The following MB21D2 variants were observed in gnomAD, a reference collection of about 807,000 sequenced individuals.
MB21D2 encodes nucleotidyltransferase MB21D2.
MB21D2 carries 9 observed loss-of-function variants against 33.3 expected under a neutral mutation model. That is an observed-to-expected ratio of 0.27 (90% CI 0.16 to 0.47). The LOEUF (loss-of-function observed/expected upper bound fraction) is 0.47, where lower values mean the gene tolerates loss of function less well. Ranked by LOEUF, MB21D2 falls within the 20% of genes least tolerant of loss-of-function variation. The pLI is 0.99. For synonymous variants in MB21D2, 241 were observed against 236.3 expected, an observed-to-expected ratio of 1.02 and a Z score of -0.18; for missense variants, 540 against 624.6, an observed-to-expected ratio of 0.86 and a Z score of 1.44.
At chr3:192,891,773 A>G (rs935930882) in intron 1 of MB21D2, among the ~76,000 whole-genome samples, 2 of 152,124 alleles carry the variant, frequency 1.3e-5, no homozygotes, top group Non-Finnish European at 2.9e-5. Context: ...ATGTGTCGGC[A>G]CAGACCAAGC....
At chr3:192,894,460 G>A (rs1278579944) in intron 1 of MB21D2, among the ~76,000 whole-genome samples, 1 of 152,106 alleles carries the variant, frequency 6.6e-6, no homozygotes, top group East Asian at 1.9e-4. Context: ...GGTTTCCGCA[G>A]CTTTTTGCCC....
chr3:192,837,474 G>A (rs976941458), intron 1 of MB21D2, among the ~76,000 whole-genome samples: 21 of 152,160 alleles, frequency 1.4e-4, no homozygotes, highest in Admixed American at 1.2e-3. Context: ...AGAACGAGCT[G>A]CGGATCTGCA....
At chr3:192,819,956 T>A (rs1712008039) in intron 1 of MB21D2, among the ~76,000 whole-genome samples, 1 of 152,156 alleles carries the variant, frequency 6.6e-6, no homozygotes, top group African/African-American at 2.4e-5. Context: ...CAGGGCCTAG[T>A]CCTGGTGCTC....
At chr3:192,846,070 T>C (rs1712674494) in intron 1 of MB21D2, among the ~76,000 whole-genome samples, 1 of 152,132 alleles carries the variant, frequency 6.6e-6, no homozygotes, top group South Asian at 2.1e-4. Flanking sequence ...AGACCCTGTC[T>C]CAAAACTATA....
intron 1 of MB21D2, among the ~76,000 whole-genome samples, chr3:192,841,962 C>T (rs1305928006): frequency 2.0e-5 from 3 of 152,092 alleles, no homozygotes; most frequent in Non-Finnish European, 4.4e-5. Context: ...AGAAAAGCTC[C>T]GTGGGCAGTG....
intron 1 of MB21D2, among the ~76,000 whole-genome samples, chr3:192,895,443 A>C (rs1713946003): frequency 6.6e-6 from 1 of 152,182 alleles, no homozygotes; most frequent in South Asian, 2.1e-4. Flanking sequence ...CAATCACTTT[A>C]ATCCAGCCAG....
At chr3:192,892,622 T>A (rs1202060422) in intron 1 of MB21D2, among the ~76,000 whole-genome samples, 2 of 152,084 alleles carry the variant, frequency 1.3e-5, no homozygotes, top group Non-Finnish European at 2.9e-5. Flanking sequence ...TGTATTTTTT[T>A]AGTAGAGACG....
intron 1 of MB21D2, among the ~76,000 whole-genome samples, chr3:192,914,638 A>T (rs183489784): frequency 1.3e-5 from 2 of 151,978 alleles, no homozygotes; most frequent in Admixed American, 6.5e-5. Context: ...AATAACACCA[A>T]TCATTCTCCT....
intron 1 of MB21D2, among the ~76,000 whole-genome samples, chr3:192,812,939 T>C (rs2108612877): frequency 6.6e-6 from 1 of 152,302 alleles, no homozygotes; most frequent in African/African-American, 2.4e-5. Context: ...TGCCAGGAGA[T>C]GGCATCCACA....
At chr3:192,816,395 C>T (rs1407851464) in intron 1 of MB21D2, among the ~76,000 whole-genome samples, 2 of 152,114 alleles carry the variant, frequency 1.3e-5, no homozygotes, top group East Asian at 3.9e-4. Flanking sequence ...TAATTCCAGT[C>T]TAACAAGAGG....
chr3:192,898,107 A>C (rs1714017284), intron 1 of MB21D2, among the ~76,000 whole-genome samples: 1 of 152,182 alleles, frequency 6.6e-6, no homozygotes, highest in African/African-American at 2.4e-5. Flanking sequence ...GATGCTATTA[A>C]GATAAAATTT....
At chr3:192,879,306 A>G (rs141160626) in intron 1 of MB21D2, among the ~76,000 whole-genome samples, 1 of 152,368 alleles carries the variant, frequency 6.6e-6, no homozygotes, top group Non-Finnish European at 1.5e-5. Context: ...TGATGTCACC[A>G]GCACCAGAGC....
At chr3:192,862,977 G>C (rs1713084012) in intron 1 of MB21D2, among the ~76,000 whole-genome samples, 1 of 152,080 alleles carries the variant, frequency 6.6e-6, no homozygotes, top group Non-Finnish European at 1.5e-5. Flanking sequence ...CTTTTGTAAG[G>C]GCACTAATCC....
intron 1 of MB21D2, among the ~76,000 whole-genome samples, chr3:192,863,039 C>T (rs919358870): frequency 2.0e-5 from 3 of 152,202 alleles, no homozygotes; most frequent in African/African-American, 7.2e-5. Flanking sequence ...AAGGTTCCAT[C>T]TCTTAATACT....
At chr3:192,838,169 GGAA>G (rs1455904296) in intron 1 of MB21D2, among the ~76,000 whole-genome samples, 4 of 152,148 alleles carry the variant, frequency 2.6e-5, no homozygotes, top group African/African-American at 4.8e-5. Flanking sequence ...ACTGACTGCT[GGAA>G]GAAGGCCTTG....
At chr3:192,829,807 G>A (rs965608875) in intron 1 of MB21D2, among the ~76,000 whole-genome samples, 5 of 152,182 alleles carry the variant, frequency 3.3e-5, no homozygotes, top group Non-Finnish European at 7.3e-5. Context: ...GCTCACTGCA[G>A]CTTCAACCTC....
intron 1 of MB21D2, among the ~76,000 whole-genome samples, chr3:192,820,095 G>A (rs1712011271): frequency 6.6e-6 from 1 of 152,140 alleles, no homozygotes; most frequent in African/African-American, 2.4e-5. Flanking sequence ...ATAAATAAGT[G>A]TGTTTGTGTT....
chr3:192,877,698 T>C (rs1012695588), intron 1 of MB21D2, among the ~76,000 whole-genome samples: 3 of 152,224 alleles, frequency 2.0e-5, no homozygotes, highest in Non-Finnish European at 4.4e-5. Flanking sequence ...TCAAGGAATC[T>C]AGCTCAAACT....
At chr3:192,802,779 T>G (rs1463757634) in intron 1 of MB21D2, among the ~76,000 whole-genome samples, 1 of 152,224 alleles carries the variant, frequency 6.6e-6, no homozygotes, top group African/African-American at 2.4e-5. Context: ...ATGAAATCGT[T>G]TACTCTTCAT....
Sources: gnomAD v4.1 joint callset for allele counts (sites outside exome capture counted in the v4.1 genomes callset) on GRCh38, gnomAD v4.1.1 for gene constraint, MANE v1.5 for transcripts, NCBI Gene and HGNC (gene_info 2026-07-23, HGNC 2026-07-21) for gene names.